NCKAP5: variants seen among roughly 807,000 people sequenced by gnomAD.
The protein encoded by NCKAP5 is NCK associated protein 5.
Under a neutral mutation model 167.0 loss-of-function variants are expected in NCKAP5, and 92 were observed. That is an observed-to-expected ratio of 0.55 (90% CI 0.47 to 0.66). NCKAP5 has a LOEUF of 0.66. Ranked by LOEUF, NCKAP5 falls within the 30% of genes least tolerant of loss-of-function variation. NCKAP5 has a pLI of 0.00. For synonymous variants in NCKAP5, 891 were observed against 877.4 expected, an observed-to-expected ratio of 1.02 and a Z score of -0.27; for missense variants, 2,378 against 2,315.0, an observed-to-expected ratio of 1.03 and a Z score of -0.56.
chr2:132,967,188 CACACACACACACAT>C (rs1393430953), intron 7 of NCKAP5, among the ~76,000 whole-genome samples: 4 of 150,268 alleles, frequency 2.7e-5, no homozygotes, highest in African/African-American at 1.0e-4. Context: ...CACACACACA[CACACACACACACAT>C]ACACACACAC....
At chr2:133,510,140 C>G (rs1188076881) in intron 3 of NCKAP5, among the ~76,000 whole-genome samples, 1 of 152,104 alleles carries the variant, frequency 6.6e-6, no homozygotes, top group East Asian at 1.9e-4. Context: ...GCTGCTGACC[C>G]TCTACTCACC....
intron 5 of NCKAP5, among the ~76,000 whole-genome samples, chr2:133,205,822 T>C (rs987994267): frequency 6.6e-6 from 1 of 152,150 alleles, no homozygotes; most frequent in Admixed American, 6.5e-5. Flanking sequence ...ACATTTCTTC[T>C]TAGATTTATT....
chr2:133,387,155 A>C (rs1457558200), intron 3 of NCKAP5, among the ~76,000 whole-genome samples: 1 of 152,114 alleles, frequency 6.6e-6, no homozygotes, highest in African/African-American at 2.4e-5. Flanking sequence ...GGTCTTTACA[A>C]TTTGGCATGT....
chr2:132,896,535 G>A (rs532107759), intron 8 of NCKAP5, among the ~76,000 whole-genome samples: 1 of 152,268 alleles, frequency 6.6e-6, no homozygotes, highest in South Asian at 2.1e-4. Context: ...GTTTCTTATC[G>A]AGGGCTGGAT....
intron 7 of NCKAP5, among the ~76,000 whole-genome samples, chr2:132,966,848 C>T (rs981751393): frequency 6.6e-6 from 1 of 152,118 alleles, no homozygotes; most frequent in Non-Finnish European, 1.5e-5. Context: ...AAGCACTACA[C>T]TCAGGGCCAT....
At chr2:133,447,959 C>G (rs1316236091) in intron 3 of NCKAP5, among the ~76,000 whole-genome samples, 1 of 152,188 alleles carries the variant, frequency 6.6e-6, no homozygotes, top group Non-Finnish European at 1.5e-5. Flanking sequence ...CATTTCACCT[C>G]TACAGCTCTA....
chr2:132,775,894 T>C (rs182459491), intron 15 of NCKAP5, among the ~76,000 whole-genome samples: 152 of 152,342 alleles, frequency 1.0e-3, no homozygotes, highest in African/African-American at 3.4e-3. Context: ...TCCAAATTTA[T>C]ACATTTTAAA....
At chr2:132,930,545 G>A (rs1325645950) in intron 8 of NCKAP5, 1 of 152,180 alleles carries the variant, frequency 6.6e-6, no homozygotes, top group Non-Finnish European at 1.5e-5. Context: ...AGGCATAGGA[G>A]CTCCCGGCTC....
At chr2:133,340,941 CA>C (rs1302052287) in intron 3 of NCKAP5, among the ~76,000 whole-genome samples, 1 of 152,122 alleles carries the variant, frequency 6.6e-6, no homozygotes, top group African/African-American at 2.4e-5. Context: ...TGCAACACTG[CA>C]AAAATGGTTT....
chr2:133,652,754 G>C, the NCKAP5 span, among the ~76,000 whole-genome samples: 1 of 152,218 alleles, frequency 6.6e-6, no homozygotes, highest in Non-Finnish European at 1.5e-5. Flanking sequence ...TTCCAGTACA[G>C]TTGGAATAGG....
chr2:133,031,233 A>C (rs1445167468), intron 6 of NCKAP5, among the ~76,000 whole-genome samples: 1 of 152,156 alleles, frequency 6.6e-6, no homozygotes, highest in Non-Finnish European at 1.5e-5. Context: ...CACTGACACC[A>C]TCCCTCCCCT....
At chr2:133,223,439 C>T (rs1446471981) in intron 4 of NCKAP5, among the ~76,000 whole-genome samples, 2 of 152,062 alleles carry the variant, frequency 1.3e-5, no homozygotes, top group South Asian at 2.1e-4. Flanking sequence ...ATGACAATGT[C>T]GAGTGCCAGG....
intron 4 of NCKAP5, among the ~76,000 whole-genome samples, chr2:133,226,843 C>T (rs1199852520): frequency 1.3e-5 from 2 of 152,196 alleles, no homozygotes; most frequent in East Asian, 1.9e-4. Context: ...CCACCCCCAT[C>T]TGCAGTACTT....
At chr2:133,123,759 C>T in intron 6 of NCKAP5, 1 of 471,126 alleles carries the variant, frequency 2.1e-6, no homozygotes, top group Non-Finnish European at 4.4e-6. Context: ...GTCCAAAGGT[C>T]AATTGACAGC....
chr2:133,613,512 T>C, the NCKAP5 span, among the ~76,000 whole-genome samples: 1 of 152,086 alleles, frequency 6.6e-6, no homozygotes, highest in African/African-American at 2.4e-5. Context: ...TTCAAAAAAA[T>C]ATAAGCAGTG....
chr2:133,073,946 T>C (rs1030444919), intron 6 of NCKAP5, among the ~76,000 whole-genome samples: 3 of 152,192 alleles, frequency 2.0e-5, no homozygotes, highest in African/African-American at 4.8e-5. Context: ...AACTTAAGAC[T>C]AGTTTTACCT....
At chr2:133,606,820 T>C in the NCKAP5 span, among the ~76,000 whole-genome samples, 1 of 151,896 alleles carries the variant, frequency 6.6e-6, no homozygotes, top group Non-Finnish European at 1.5e-5. Flanking sequence ...TCTGCCCAGC[T>C]GGGGACTACA....
At chr2:132,767,341 G>A (rs1453835235) in intron 16 of NCKAP5, among the ~76,000 whole-genome samples, 1 of 152,042 alleles carries the variant, frequency 6.6e-6, no homozygotes. Context: ...CCGCCTCCCA[G>A]ATTCAAGCGA....
chr2:133,588,033 GAATA>G, the NCKAP5 span, among the ~76,000 whole-genome samples: 77 of 151,980 alleles, frequency 5.1e-4, no homozygotes, highest in African/African-American at 1.7e-3. Flanking sequence ...GAATAAAAAG[GAATA>G]AATAAATAAA....
Sources: gnomAD v4.1 joint callset for allele counts (sites outside exome capture counted in the v4.1 genomes callset) on GRCh38, gnomAD v4.1.1 for gene constraint, MANE v1.5 for transcripts, NCBI Gene and HGNC (gene_info 2026-07-23, HGNC 2026-07-21) for gene names.